Variants in C5orf15 observed in about 807,000 individuals in gnomAD.
C5orf15 encodes the protein chromosome 5 open reading frame 15.
A neutral mutation model predicts 17.8 loss-of-function variants in C5orf15; 10 were observed. The observed-to-expected ratio is 0.56, with a 90% confidence interval of 0.35 to 0.95. The LOEUF is 0.95. C5orf15 is among the 40% of genes least tolerant of loss of function. C5orf15 has a pLI of 0.02. For synonymous variants in C5orf15, 124 were observed against 131.0 expected, an observed-to-expected ratio of 0.95 and a Z score of 0.36; for missense variants, 319 against 331.7, an observed-to-expected ratio of 0.96 and a Z score of 0.30.
intron 1 of C5orf15, among the ~76,000 whole-genome samples, chr5:133,966,000 G>A (rs1035854321): frequency 1.3e-5 from 2 of 152,058 alleles, no homozygotes; most frequent in Non-Finnish European, 2.9e-5. Flanking sequence ...CAAGGCGGGC[G>A]GATCACGAGG....
At chr5:133,964,879 C>T (rs1752171874) in intron 1 of C5orf15, among the ~76,000 whole-genome samples, 1 of 152,166 alleles carries the variant, frequency 6.6e-6, no homozygotes, top group African/African-American at 2.4e-5. Flanking sequence ...ATTACAATAG[C>T]CTCCTAATTA....
rs749802163 is a variant in C5orf15, at chr5:133,968,621, T to C, written c.-37A>G. On this transcript the variant is annotated 5_prime_UTR_variant, in exon 1 of 3. Transcript: ENST00000231512. The stretch of plus-strand genomic sequence containing the variant: ...CTGGGAGCCTGCGCTGTTGCTAGGC[T>C]CTACGCCATGAGGTCAGACGCCGCG... 1.9e-6 allele frequency: 3 copies of C among 1,577,722 alleles called. No individual in the cohort carries two copies. The African/African-American group carries it at 4.0e-5, about 21-fold the overall frequency.
chr5:133,957,996 T>A (rs1434126418), intron 2 of C5orf15, among the ~76,000 whole-genome samples: 1 of 152,196 alleles, frequency 6.6e-6, no homozygotes, highest in Non-Finnish European at 1.5e-5. Context: ...CCTACAGATG[T>A]CTCTTGTGCC....
At position 133,968,432 on chromosome 5, in the gene C5orf15, C is replaced by A; in HGVS notation, c.139+14G>T. The A allele has an allele frequency of 6.2e-7, 1 of 1,601,388 alleles. No individual in the cohort carries two copies. ...TCCTAGCCTTCCTAAGCCCACACTG[C>A]CGCCCCCCTTTACCACTGGATAGAG... On this transcript the variant is annotated intron_variant, in intron 1 of 2. Coordinates refer to ENST00000231512, the MANE Select transcript of C5orf15 (RefSeq NM_020199.3).
At chr5:133,964,917 C>T (rs1371299079) in intron 1 of C5orf15, among the ~76,000 whole-genome samples, 4 of 152,206 alleles carry the variant, frequency 2.6e-5, no homozygotes, top group Non-Finnish European at 5.9e-5. Flanking sequence ...CTAACTTCTA[C>T]TGTCTATACT....
intron 1 of C5orf15, among the ~76,000 whole-genome samples, chr5:133,962,774 C>G (rs1752142769): frequency 6.6e-6 from 1 of 152,162 alleles, no homozygotes; most frequent in Non-Finnish European, 1.5e-5. Flanking sequence ...CAGTTCATTC[C>G]CTGGTATTCT....
intron 1 of C5orf15, among the ~76,000 whole-genome samples, chr5:133,963,220 T>C (rs1752147151): frequency 6.6e-6 from 1 of 152,234 alleles, no homozygotes; most frequent in East Asian, 1.9e-4. Flanking sequence ...CATTTTCCTC[T>C]AACCACAAAC....
In C5orf15 at chr5:133,959,745, C is replaced by T. The variant is rs771356831; in HGVS notation, c.415G>A (p.Ala139Thr). Residue 139 changes from alanine to threonine, a missense_variant, in exon 2 of 3, where the codon GCC becomes ACC. Ala to Thr is a moderately conservative substitution (Grantham distance 58, BLOSUM62 0). This residue lies in a region of C5orf15 where 175 missense variants were observed against 192.4 expected (regional missense o/e 0.91). Transcript: ENST00000231512. ...TCGCCATTGTCTAGAGTGTCTTTGG[C>T]TGTGGATGGAGAACTGTTCAGCATG... ...LLMLNSSPSTAKDTLDNGDYG... is the reference protein window; with the variant it reads ...LLMLNSSPSTTKDTLDNGDYG... The T allele has an allele frequency of 1.9e-6, 3 of 1,614,102 alleles. No homozygotes were observed. The East Asian group carries it at 6.7e-5, about 36-fold the overall frequency.
In C5orf15 at chr5:133,959,736, T is replaced by G. The variant is rs747535856; in HGVS notation, c.424A>C (p.Thr142Pro). The change falls in exon 2 of 3, where the codon ACT (threonine) becomes CCT (proline). Residue 142 changes from threonine (T) to proline (P), a missense_variant. Physicochemically the swap from Thr to Pro is conservative, Grantham distance 38. Coordinates refer to ENST00000231512, the MANE Select transcript of C5orf15 (RefSeq NM_020199.3). ...LNSSPSTAKD[T>P]LDNGDYGEPD... Reference sequence around the variant, plus strand: ...TCTCCATAATCGCCATTGTCTAGAGTGTCTTTGGCTGTGGATGGAGAACTG... The same window carrying G: ...TCTCCATAATCGCCATTGTCTAGAGGGTCTTTGGCTGTGGATGGAGAACTG... 16 of 1,613,742 alleles carry G rather than the reference T, an allele frequency of 9.9e-6. No homozygotes were observed. The highest frequency in any genetic ancestry group is 1.3e-5 in the Non-Finnish European group (15 of 1,179,954).
chr5:133,959,404 CA>C (rs397999300), intron 2 of C5orf15, 89 bp downstream of exon 2: 5,077 of 124,288 alleles, frequency 0.041, no homozygotes, highest in East Asian at 0.065. Context: ...CTTTTTTTTG[CA>C]AAAAAAAAAA....
chr5:133,967,104 TG>T (rs1752203395), intron 1 of C5orf15, among the ~76,000 whole-genome samples: 1 of 152,260 alleles, frequency 6.6e-6, no homozygotes. Context: ...TAAATGTTTG[TG>T]TTTTATTTTT....
At chr5:133,964,669 C>CA (rs1160363234) in intron 1 of C5orf15, among the ~76,000 whole-genome samples, 2 of 152,062 alleles carry the variant, frequency 1.3e-5, no homozygotes, top group Non-Finnish European at 2.9e-5. Context: ...ACTCAAAAAA[C>CA]AAAAAAACTT....
intron 1 of C5orf15, among the ~76,000 whole-genome samples, chr5:133,962,253 A>G (rs193188107): frequency 4.6e-4 from 70 of 152,368 alleles, no homozygotes; most frequent in Admixed American, 7.8e-4. Context: ...TCCACCACGC[A>G]GTATAGAATT....
At chr5:133,965,237 T>C (rs1008460250) in intron 1 of C5orf15, among the ~76,000 whole-genome samples, 4 of 152,082 alleles carry the variant, frequency 2.6e-5, no homozygotes, top group Admixed American at 6.6e-5. Context: ...CTGCACTCCC[T>C]CAAGAGCCCA....
intron 1 of C5orf15, among the ~76,000 whole-genome samples, chr5:133,966,617 A>G (rs921232560): frequency 2.0e-5 from 3 of 152,234 alleles, no homozygotes; most frequent in Non-Finnish European, 4.4e-5. Flanking sequence ...AATTTAAATA[A>G]ATCTAATGTG....
intron 2 of C5orf15, 59 bp downstream of exon 2, chr5:133,959,435 T>G: frequency 3.8e-5 from 14 of 371,700 alleles, no homozygotes; most frequent in South Asian, 6.5e-5. Flanking sequence ...AAAAGAACCA[T>G]GAATCATCAA....
intron 2 of C5orf15, 59 bp downstream of exon 2, chr5:133,959,435 T>C: frequency 2.7e-6 from 1 of 371,728 alleles, no homozygotes; most frequent in Non-Finnish European, 4.6e-6. Flanking sequence ...AAAAGAACCA[T>C]GAATCATCAA....
chr5:133,963,400 A>G (rs1442737746), intron 1 of C5orf15, among the ~76,000 whole-genome samples: 1 of 152,310 alleles, frequency 6.6e-6, no homozygotes, highest in East Asian at 1.9e-4. Flanking sequence ...AATATGTTCA[A>G]AATGAATTCT....
At position 133,968,578 on chromosome 5, in the gene C5orf15, C is replaced by T; in HGVS notation, c.7G>A (p.Ala3Thr). The T allele has an allele frequency of 6.2e-7, 1 of 1,609,040 alleles. No homozygotes were observed. Among genetic ancestry groups the T allele is most frequent in the Non-Finnish European group, 8.5e-7 (1 of 1,178,158 alleles). MA[A>T]AVPKRMRGPA... ...CCCCTCATCCTCTTCGGGACGGCAG[C>T]GGCCATAACGGACTCGGCTGGGAGC... The change falls in exon 1 of 3, where the codon GCT (alanine) becomes ACT (threonine). Residue 3 changes from alanine to threonine, a missense_variant. Around this residue, in one of 3 missense-constraint regions of C5orf15, gnomAD observed 127 missense variants for 95.6 expected, o/e 1.33. Transcript: ENST00000231512.
Sources: allele counts gnomAD v4.1 joint callset (sites outside exome capture counted in the v4.1 genomes callset), GRCh38; gene constraint gnomAD v4.1.1; regional missense constraint gnomAD v4.1.1; transcripts MANE v1.5; gene names NCBI Gene and HGNC (gene_info 2026-07-23, HGNC 2026-07-21).